SYTL3: variants seen among roughly 807,000 people sequenced by gnomAD.
The protein encoded by SYTL3 is synaptotagmin-like protein 3.
Under a neutral mutation model 82.1 loss-of-function variants are expected in SYTL3, and 88 were observed. The observed-to-expected ratio is 1.07, with a 90% confidence interval of 0.90 to 1.28. The LOEUF (loss-of-function observed/expected upper bound fraction) is 1.28, where lower values mean the gene tolerates loss of function less well. SYTL3 is among the 50% of genes most tolerant of loss of function. The pLI is 0.00. For missense variants in SYTL3, 831 were observed against 757.6 expected (o/e 1.10, Z -1.14); for synonymous variants, 311 against 289.4 (o/e 1.07, Z -0.76).
chr6:158,764,695 A>C lies in SYTL3; in HGVS notation c.*91A>C. 1.1e-6 allele frequency: 1 copy of C among 906,150 alleles called. No homozygotes were observed. Among genetic ancestry groups the C allele is most frequent in the Non-Finnish European group, 1.8e-6 (1 of 552,176 alleles). The allele number at this position is 906,150 out of a possible 1,614,324, so 56.1% of individuals were successfully genotyped here. On this transcript the variant is annotated 3_prime_UTR_variant, in exon 18 of 18. Transcript: ENST00000611299. ...GAACCAGGTGCAGGGTCCCAGCTGG[A>C]GACCCCTTTGACCTTGAGCAGTCTC...
chr6:158,716,556 T>C (rs895945573), intron 9 of SYTL3, among the ~76,000 whole-genome samples: 40 of 152,272 alleles, frequency 2.6e-4, no homozygotes, highest in African/African-American at 9.1e-4. Flanking sequence ...CAGTGTTTCT[T>C]GATGGTCACC....
In SYTL3 at chr6:158,744,562, G is replaced by A. The variant is rs528648543; in HGVS notation, c.856-918G>A. On this transcript the variant is annotated intron_variant, in intron 11 of 17. Coordinates refer to ENST00000611299, the MANE Select transcript of SYTL3 (RefSeq NM_001242394.2). ...TCTCGATCTCCTGACCTTGTGATCT[G>A]CCTGCCTCGGCCTCCCGAAGTGCTG... Among the ~76,000 whole-genome samples the A allele has an allele frequency of 1.5e-4, 23 of 151,806 alleles. 1 individual carries two copies. In the East Asian group the frequency reaches 4.5e-3, roughly 30 times the overall value.
intron 15 of SYTL3, among the ~76,000 whole-genome samples, chr6:158,761,176 G>A (rs1223802819): frequency 6.6e-6 from 1 of 152,176 alleles, no homozygotes; most frequent in African/African-American, 2.4e-5. Context: ...AAAGAAGTAG[G>A]TCAGGAGGGA....
chr6:158,705,400 G>T (rs1430369197), intron 6 of SYTL3, among the ~76,000 whole-genome samples: 2 of 149,542 alleles, frequency 1.3e-5, no homozygotes, highest in Non-Finnish European at 3.0e-5. Context: ...GGGCTGTAAG[G>T]CCACGTAGGA....
At chr6:158,659,717 T>G (rs988753140) in intron 2 of SYTL3, among the ~76,000 whole-genome samples, 1 of 152,232 alleles carries the variant, frequency 6.6e-6, no homozygotes, top group Non-Finnish European at 1.5e-5. Context: ...GTATTAAAGC[T>G]ATAGACAGCA....
chr6:158,701,560 G>C (rs1051482554), intron 6 of SYTL3, among the ~76,000 whole-genome samples: 2 of 136,736 alleles, frequency 1.5e-5, no homozygotes, highest in African/African-American at 6.2e-5. Context: ...GGGGGAGGAG[G>C]CGTGGGGAGA....
Position 158,663,318 on chromosome 6 carries a change from C to G in SYTL3, c.50C>G (p.Ala17Gly), listed in dbSNP as rs1186475722. 6.2e-7 allele frequency: 1 copy of G among 1,614,078 alleles called. No homozygotes were observed. The highest frequency in any genetic ancestry group is 8.5e-7 in the Non-Finnish European group (1 of 1,180,024). The change falls in exon 4 of 18, where the codon GCC becomes GGC. Residue 17 changes from alanine (A) to glycine (G), a missense_variant. Physicochemically the swap from Ala to Gly is moderately conservative, Grantham distance 60 (BLOSUM62 0). Transcript: ENST00000611299. Reference sequence around the variant, plus strand: ...GCTCTCAAGGAGTTAGAACGCGAGGCCATTCTCCAGGTCCTGTACCGAGAC... The same window carrying G: ...GCTCTCAAGGAGTTAGAACGCGAGGGCATTCTCCAGGTCCTGTACCGAGAC... ...LSALKELERE[A>G]ILQVLYRDQA...
chr6:158,696,832 A>G (rs1190646010), intron 6 of SYTL3, among the ~76,000 whole-genome samples: 1 of 152,122 alleles, frequency 6.6e-6, no homozygotes, highest in African/African-American at 2.4e-5. Context: ...GGACATATAG[A>G]CCAATGGAAT....
At chr6:158,736,138 T>G (rs1294548345) in intron 11 of SYTL3, among the ~76,000 whole-genome samples, 1 of 151,882 alleles carries the variant, frequency 6.6e-6, no homozygotes, top group Admixed American at 6.6e-5. Flanking sequence ...GATCACAAGG[T>G]CAGGAGTTTG....
intron 5 of SYTL3, among the ~76,000 whole-genome samples, chr6:158,671,086 G>A (rs1777325526): frequency 6.6e-6 from 1 of 152,016 alleles, no homozygotes; most frequent in Non-Finnish European, 1.5e-5. Context: ...TTACAGGCGT[G>A]AGCCACGGCG....
intron 8 of SYTL3, among the ~76,000 whole-genome samples, 196 bp from the exon 9 acceptor site, chr6:158,713,604 A>G (rs1215073125): frequency 1.3e-5 from 2 of 151,954 alleles, no homozygotes; most frequent in East Asian, 1.9e-4. Context: ...GAAGATGCCT[A>G]CCCCTCAGGA....
intron 8 of SYTL3, among the ~76,000 whole-genome samples, chr6:158,710,189 C>A (rs1782600853): frequency 6.6e-6 from 1 of 152,134 alleles, no homozygotes; most frequent in South Asian, 2.1e-4. Context: ...ACAGATGAAC[C>A]ATATTCATAA....
Position 158,707,279 on chromosome 6 carries a change from G to A in SYTL3, c.444G>A (p.Leu148=). 1 of 1,613,832 alleles carries A rather than the reference G, an allele frequency of 6.2e-7. No homozygotes were observed. Among genetic ancestry groups the A allele is most frequent in the Non-Finnish European group, 8.5e-7 (1 of 1,180,034 alleles). The change falls in exon 7 of 18, where the codon CTG becomes CTA. Residue 148 remains leucine, a splice_region_variant and synonymous_variant. Coordinates refer to ENST00000611299, the MANE Select transcript of SYTL3 (RefSeq NM_001242394.2). ...GGQLLQSYQK[L]SKISVVPPTP... is the part of the protein sequence containing the mutation. ...AGCTCTTGCAATCTTATCAGAAGCT[G>A]AGGTGAGTGTTACAAAGGACAGACC...
intron 5 of SYTL3, among the ~76,000 whole-genome samples, chr6:158,678,866 T>G (rs1778348615): frequency 6.6e-6 from 1 of 152,342 alleles, no homozygotes; most frequent in East Asian, 1.9e-4. Context: ...CTGAAAAGTT[T>G]AAGGGCACAA....
At chr6:158,663,417 G>A (rs1421868502) in intron 4 of SYTL3, 39 bp downstream of exon 4, 4 of 1,604,786 alleles carry the variant, frequency 2.5e-6, no homozygotes, top group East Asian at 4.5e-5. Context: ...TGGGTGTTTA[G>A]CTTTCTCTGC....
At chr6:158,674,850 C>CA (rs1336077755) in intron 5 of SYTL3, among the ~76,000 whole-genome samples, 1 of 152,116 alleles carries the variant, frequency 6.6e-6, no homozygotes, top group Non-Finnish European at 1.5e-5. Flanking sequence ...TTTAGTGCTT[C>CA]AAAATGGGTG....
chr6:158,752,893 A>C (rs1026382611), intron 13 of SYTL3, among the ~76,000 whole-genome samples: 2 of 152,046 alleles, frequency 1.3e-5, no homozygotes, highest in African/African-American at 4.8e-5. Context: ...CTGGGTCCCT[A>C]CTGTGGCCAA....
At chr6:158,722,637 C>T (rs1362990988) in intron 10 of SYTL3, among the ~76,000 whole-genome samples, 1 of 152,004 alleles carries the variant, frequency 6.6e-6, no homozygotes, top group African/African-American at 2.4e-5. Context: ...CAGTATTGAC[C>T]TATATTGGCC....
At chr6:158,725,951 G>T in intron 11 of SYTL3, 1 of 674,264 alleles carries the variant, frequency 1.5e-6, no homozygotes, top group South Asian at 1.4e-5. Context: ...TAGGGCAGGA[G>T]GGCGCCGGTC....
Sources: gnomAD v4.1 joint callset for allele counts (sites outside exome capture counted in the v4.1 genomes callset) on GRCh38, gnomAD v4.1.1 for gene constraint, MANE v1.5 for transcripts, NCBI Gene and HGNC (gene_info 2026-07-23, HGNC 2026-07-21) for gene names.